CFAP52: variants seen among roughly 807,000 people sequenced by gnomAD.
The protein encoded by CFAP52 is cilia and flagella associated protein 52.
CFAP52 carries 57 observed loss-of-function variants against 70.5 expected under a neutral mutation model. The ratio of observed to expected loss-of-function variants is 0.81; its 90% CI spans 0.65 to 1.01. The LOEUF is 1.01. Among genes scored for constraint, CFAP52 ranks in the 50% least tolerant of loss-of-function variants. CFAP52 has a pLI of 0.00. For synonymous variants in CFAP52, 267 were observed against 292.5 expected (o/e 0.91, Z 0.89); for missense variants, 785 against 788.5 (o/e 1.00, Z 0.05).
chr17:9,600,185 T>C lies in CFAP52; in HGVS notation c.753+2T>C. The C allele has an allele frequency of 1.2e-6, 2 of 1,612,786 alleles. No homozygotes were observed. Among genetic ancestry groups the C allele is most frequent in the Non-Finnish European group, 1.7e-6 (2 of 1,178,880 alleles). ...CCTGCGAAGGACAAATTCAGTTTGGTGAGTAGAGACCATCGCCACTGCCCT... is the reference window on the plus strand; with the variant it reads ...CCTGCGAAGGACAAATTCAGTTTGGCGAGTAGAGACCATCGCCACTGCCCT... On this transcript the variant is annotated splice_donor_variant, in intron 6 of 13. Coordinates refer to ENST00000352665, the MANE Select transcript of CFAP52 (RefSeq NM_145054.5). LOFTEE classifies it high-confidence loss of function.
At chr17:9,597,431 T>C (rs1205516757) in intron 4 of CFAP52, 2 of 152,148 alleles carry the variant, frequency 1.3e-5, no homozygotes, top group East Asian at 3.8e-4. Context: ...ATAGCTTGAT[T>C]TTGCTATTCT....
intron 12 of CFAP52, among the ~76,000 whole-genome samples, chr17:9,640,292 T>C (rs112439825): frequency 0.013 from 1,930 of 147,430 alleles, 50 homozygotes; most frequent in African/African-American, 0.045. Flanking sequence ...GTTTGTTCCA[T>C]AGGTAAACAT....
Position 9,628,797 on chromosome 17 carries a change from G to C in CFAP52, c.1151G>C (p.Arg384Thr). 6.2e-7 allele frequency: 1 copy of C among 1,614,104 alleles called. No homozygotes were observed. Among genetic ancestry groups the C allele is most frequent in the Non-Finnish European group, 8.5e-7 (1 of 1,180,012 alleles). ...NMTCHGIDFMRDGKSIISAWN... is the reference protein window; with the variant it reads ...NMTCHGIDFMTDGKSIISAWN... Reference sequence around the variant, plus strand: ...ACCTGCCACGGCATCGACTTCATGAGGGACGGCAAAAGCATCATTTCAGGT... The same window carrying C: ...ACCTGCCACGGCATCGACTTCATGACGGACGGCAAAAGCATCATTTCAGGT... The change falls in exon 9 of 14, where the codon AGG becomes ACG. Residue 384 changes from arginine to threonine, a missense_variant. Arg to Thr is a moderately conservative substitution (Grantham distance 71). Transcript: ENST00000352665.
rs1911178180 is a variant in CFAP52, at chr17:9,643,396, G to A, written c.*198G>A. On this transcript the variant is annotated 3_prime_UTR_variant, in exon 14 of 14. Transcript: ENST00000352665. ...TGAAGTATGTTCAAGAATAATTTGT[G>A]CAGACTCTAATTAGAACTTTTAACA... 2.2e-6 allele frequency: 1 copy of A among 445,842 alleles called. No individual in the cohort carries two copies. Among genetic ancestry groups the A allele is most frequent in the Admixed American group, 4.3e-5 (1 of 23,302 alleles). The allele number at this position is 445,842 out of a possible 1,614,324, so 27.6% of individuals were successfully genotyped here.
rs1567639885 is a variant in CFAP52, at chr17:9,643,301, T to C, written c.*103T>C. 2.8e-6 allele frequency: 3 copies of C among 1,075,726 alleles called. No homozygotes were observed. In the East Asian group the frequency reaches 8.6e-5, roughly 31 times the overall value. 66.6% of individuals were successfully genotyped at this position (1,075,726 alleles called of 1,614,324 possible). On this transcript the variant is annotated 3_prime_UTR_variant, in exon 14 of 14. Transcript: ENST00000352665. ...TCTTCATTTCTCACAGCTCTGTTTT[T>C]GTTCTTGAGTCAATTTTTCTCTTTT...
intron 6 of CFAP52, among the ~76,000 whole-genome samples, chr17:9,605,588 C>T (rs1048197149): frequency 2.7e-5 from 4 of 148,204 alleles, no homozygotes; most frequent in Admixed American, 6.8e-5. Flanking sequence ...TCCAGCTACT[C>T]GGGAGGCTGA....
chr17:9,623,437 A>G (rs988367202), intron 8 of CFAP52, among the ~76,000 whole-genome samples: 2 of 152,138 alleles, frequency 1.3e-5, no homozygotes, highest in Non-Finnish European at 2.9e-5. Flanking sequence ...ATAATCTTTC[A>G]TATGTTTGTA....
intron 9 of CFAP52, among the ~76,000 whole-genome samples, chr17:9,629,491 CT>C (rs1173500812): frequency 6.9e-6 from 1 of 144,514 alleles, no homozygotes; most frequent in Non-Finnish European, 1.5e-5. Context: ...TTCTTTCTTT[CT>C]TTCTTTTCTT....
chr17:9,645,438 A>AG, downstream of CFAP52: 1 of 364,468 alleles, frequency 2.7e-6, no homozygotes, highest in Non-Finnish European at 4.4e-6. This position sits in a 1 kb window ranked among gnomAD's most constrained non-coding sequence, Gnocchi z 6.8. Flanking sequence ...GCTGCCCTGG[A>AG]GGGGGCTGGT....
intron 1 of CFAP52, among the ~76,000 whole-genome samples, chr17:9,583,449 G>A (rs1178451720): frequency 2.6e-5 from 4 of 151,832 alleles, no homozygotes; most frequent in South Asian, 2.1e-4. Flanking sequence ...TGAGTCTTTC[G>A]ATGGAGAAGG....
Position 9,598,310 on chromosome 17 carries a change from A to G in CFAP52, c.613A>G (p.Lys205Glu). 1 of 1,613,212 alleles carries G rather than the reference A, an allele frequency of 6.2e-7. No homozygotes were observed. The highest frequency in any genetic ancestry group is 8.5e-7 in the Non-Finnish European group (1 of 1,179,778). ...WPTECQTGQL[K>E]RIVMSIGVDD... The stretch of plus-strand genomic sequence containing the variant: ...AACTGAGTGCCAAACAGGACAGTTG[A>G]AAAGAATAGTCATGAGTATTGGAGT... Residue 205 changes from lysine (K) to glutamate (E), a missense_variant, in exon 5 of 14, where the codon AAA (lysine) becomes GAA (glutamate). Physicochemically the swap from Lys to Glu is moderately conservative, Grantham distance 56 (BLOSUM62 1). Coordinates refer to ENST00000352665, the MANE Select transcript of CFAP52 (RefSeq NM_145054.5).
chr17:9,586,970 G>A, intron 3 of CFAP52, 136 bp downstream of exon 3: 1 of 1,120,652 alleles, frequency 8.9e-7, no homozygotes, highest in Non-Finnish European at 1.2e-6. Context: ...TCATCAACCA[G>A]GTGCTCAGCC....
Position 9,586,830 on chromosome 17 carries a change from G to A in CFAP52, c.403G>A (p.Gly135Arg), listed in dbSNP as rs372458377. The A allele has an allele frequency of 2.1e-5, 33 of 1,600,634 alleles. No individual in the cohort carries two copies. The highest frequency in any genetic ancestry group is 9.0e-5 in the East Asian group (4 of 44,560). Residue 135 changes from glycine (G) to arginine (R), a missense_variant, in exon 3 of 14, where the codon GGA becomes AGA. By Grantham distance (125) the Gly-to-Arg change is moderately radical. Coordinates refer to ENST00000352665, the MANE Select transcript of CFAP52 (RefSeq NM_145054.5). The part of the protein sequence containing the change: ...YLVSLGGPDD[G>R]SVVVWSIAKR... Reference sequence around the variant, plus strand: ...GGTATCACTAGGAGGCCCAGATGACGGAAGGTAATGAACTAAACATAGTTA... The same window carrying A: ...GGTATCACTAGGAGGCCCAGATGACAGAAGGTAATGAACTAAACATAGTTA...
chr17:9,598,394 C>A (rs2151935389), intron 5 of CFAP52, 61 bp downstream of exon 5: 1 of 1,411,282 alleles, frequency 7.1e-7, no homozygotes, highest in Non-Finnish European at 9.9e-7. Context: ...CAGTGCTGAC[C>A]AAGGTGTTTG....
At chr17:9,615,792 ATTCTTTTTTTTT>A (rs1287577189) in intron 8 of CFAP52, among the ~76,000 whole-genome samples, 2 of 88,296 alleles carry the variant, frequency 2.3e-5, no homozygotes, top group Non-Finnish European at 4.0e-5. Flanking sequence ...CAAAAAAAAA[ATTCTTTTTTTTT>A]TTTTTTTTTT....
At chr17:9,627,620 T>C (rs897320970) in intron 8 of CFAP52, among the ~76,000 whole-genome samples, 1 of 152,236 alleles carries the variant, frequency 6.6e-6, no homozygotes, top group African/African-American at 2.4e-5. Context: ...AGAAATGTTA[T>C]AGGTGTCGAC....
intron 4 of CFAP52, among the ~76,000 whole-genome samples, chr17:9,596,059 G>GTGTGTGTATATATATATA (rs1555541607): frequency 2.3e-5 from 2 of 85,206 alleles, no homozygotes; most frequent in Non-Finnish European, 4.7e-5. Flanking sequence ...ATATGTGTGT[G>GTGTGTGTATATATATATA]TATATATATA....
At chr17:9,579,693 A>G (rs552268934) in intron 1 of CFAP52, among the ~76,000 whole-genome samples, 215 of 152,178 alleles carry the variant, frequency 1.4e-3, no homozygotes, top group African/African-American at 5.0e-3. Flanking sequence ...TCAGCCTCCC[A>G]AGTAGCTGGG....
In CFAP52 at chr17:9,628,722, G is replaced by A; in HGVS notation, c.1076G>A (p.Trp359Ter). Residue 359 changes from tryptophan to a stop codon, truncating the protein, a stop_gained, in exon 9 of 14, where the codon TGG becomes TAG. Transcript: ENST00000352665. LOFTEE classifies it high-confidence loss of function. ...TGTGCCAAGAAGGATATCAGGGTGT[G>A]GCACACATCATCCAACAGGGAGCTG... ...ATCAKKDIRV[W>*]HTSSNRELLR... 6.2e-7 allele frequency: 1 copy of A among 1,614,138 alleles called. No homozygotes were observed. Among genetic ancestry groups the A allele is most frequent in the South Asian group, 1.1e-5 (1 of 91,080 alleles).
Sources: allele counts gnomAD v4.1 joint callset (sites outside exome capture counted in the v4.1 genomes callset), GRCh38; gene constraint gnomAD v4.1.1; non-coding constraint Gnocchi (gnomAD v3.1); transcripts MANE v1.5; gene names NCBI Gene and HGNC (gene_info 2026-07-23, HGNC 2026-07-21).